Variants in ABCA4 observed in about 807,000 individuals in gnomAD.
ABCA4 encodes ATP binding cassette subfamily A member 4.
Under a neutral mutation model 263.7 loss-of-function variants are expected in ABCA4, and 196 were observed. That is an observed-to-expected ratio of 0.74 (90% CI 0.66 to 0.84). The LOEUF (loss-of-function observed/expected upper bound fraction) is 0.84, where lower values mean the gene tolerates loss of function less well. Among genes scored for constraint, ABCA4 ranks in the 40% least tolerant of loss-of-function variants. The pLI is 0.00. For synonymous variants in ABCA4, 1,133 were observed against 1,094.2 expected (o/e 1.04, Z -0.70); for missense variants, 2,792 against 2,855.1 (o/e 0.98, Z 0.50).
At chr1:94,114,527 C>T (rs951619648) in intron 1 of ABCA4, among the ~76,000 whole-genome samples, 1 of 151,930 alleles carries the variant, frequency 6.6e-6, no homozygotes, top group African/African-American at 2.4e-5. Context: ...CACTCTGTTG[C>T]CCAGGCTGGA....
chr1:93,997,558 T>C (rs1384616384), intron 48 of ABCA4, among the ~76,000 whole-genome samples: 1 of 151,692 alleles, frequency 6.6e-6, no homozygotes, highest in Non-Finnish European at 1.5e-5. Flanking sequence ...CGTATGTTAA[T>C]TACACATCAA....
chr1:94,083,506 C>G, intron 6 of ABCA4, 65 bp from the exon 7 acceptor site: 1 of 1,263,268 alleles, frequency 7.9e-7, no homozygotes, highest in Admixed American at 1.7e-5. Context: ...CACACATAGG[C>G]ACAGTCTGAT....
At chr1:94,086,661 T>G (rs1661834249) in intron 6 of ABCA4, among the ~76,000 whole-genome samples, 1 of 152,182 alleles carries the variant, frequency 6.6e-6, no homozygotes, top group African/African-American at 2.4e-5. Flanking sequence ...TGTTAACAAT[T>G]TGGCACATAT....
chr1:94,018,390 C>A (rs1659795828), intron 36 of ABCA4, among the ~76,000 whole-genome samples: 1 of 152,198 alleles, frequency 6.6e-6, no homozygotes, highest in African/African-American at 2.4e-5. Flanking sequence ...TGCTCTTATC[C>A]AAAGAAAGGC....
At chr1:94,004,286 C>G (rs555687942) in intron 44 of ABCA4, among the ~76,000 whole-genome samples, 5 of 152,200 alleles carry the variant, frequency 3.3e-5, no homozygotes, top group Non-Finnish European at 5.9e-5. Context: ...TATCCATGAC[C>G]TCACAGTTCT....
intron 48 of ABCA4, among the ~76,000 whole-genome samples, chr1:93,997,025 G>A (rs1201881560): frequency 6.6e-6 from 1 of 152,212 alleles, no homozygotes; most frequent in African/African-American, 2.4e-5. Flanking sequence ...AATGGGCACA[G>A]ATTTTCACTG....
chr1:94,027,056 G>A (rs1443976307), intron 30 of ABCA4, among the ~76,000 whole-genome samples: 2 of 151,886 alleles, frequency 1.3e-5, no homozygotes, highest in Non-Finnish European at 2.9e-5. Context: ...GAGAGATTGA[G>A]AGAGAAAGAG....
At chr1:94,060,501 A>T (rs1457905303) in intron 14 of ABCA4, 36 bp downstream of exon 14, 18 of 1,590,426 alleles carry the variant, frequency 1.1e-5, no homozygotes, top group Non-Finnish European at 1.5e-5. Flanking sequence ...GAACCAAAGT[A>T]TTCAAGATTT....
rs369235668 is a variant in ABCA4 at position 94,086,180 on chromosome 1, A to T, written c.769-2739T>A. On this transcript the variant is annotated intron_variant, in intron 6 of 49. Transcript: ENST00000370225. ...TCTTATCAGAATAACAAGCAGATTGATTATAATTGTTTATACACCTGATAC... is the reference window on the plus strand; with the variant it reads ...TCTTATCAGAATAACAAGCAGATTGTTTATAATTGTTTATACACCTGATAC... Among the ~76,000 whole-genome samples the T allele has an allele frequency of 1.7e-4, 26 of 152,322 alleles. No individual in the cohort carries two copies. The East Asian group carries it at 3.9e-3, about 23-fold the overall frequency.
intron 8 of ABCA4, among the ~76,000 whole-genome samples, chr1:94,080,109 C>T (rs149507653): frequency 1.6e-3 from 239 of 152,242 alleles, no homozygotes; most frequent in African/African-American, 5.3e-3. Flanking sequence ...TAAAAGCATC[C>T]CACAGCCGTG....
chr1:94,034,579 G>A (rs2101040362), intron 26 of ABCA4, among the ~76,000 whole-genome samples: 1 of 151,670 alleles, frequency 6.6e-6, no homozygotes, highest in East Asian at 1.9e-4. Context: ...CATCCTCTGA[G>A]ACTGAGCTAA....
At chr1:94,005,270 C>T (rs1039689966) in intron 44 of ABCA4, 171 bp downstream of exon 44, 18 of 827,320 alleles carry the variant, frequency 2.2e-5, no homozygotes, top group African/African-American at 2.0e-4. Context: ...CACTGCTATA[C>T]TCCTGGTTTC....
At chr1:94,037,043 G>T in intron 25 of ABCA4, 102 bp downstream of exon 25, 1 of 1,277,514 alleles carries the variant, frequency 7.8e-7, no homozygotes. Context: ...GGTGGGGAAC[G>T]ATGGCTTTTT....
intron 11 of ABCA4, among the ~76,000 whole-genome samples, chr1:94,065,374 AC>A (rs1661242483): frequency 6.6e-6 from 1 of 152,192 alleles, no homozygotes; most frequent in Non-Finnish European, 1.5e-5. Context: ...CACAACTACT[AC>A]CCGAGAAATA....
chr1:94,021,662 A>G lies in ABCA4; in HGVS notation c.4826T>C (p.Leu1609Pro). 1 of 1,612,888 alleles carries G rather than the reference A, an allele frequency of 6.2e-7. No individual in the cohort carries two copies. The part of the protein sequence containing the change: ...SKEIPDFLKH[L>P]ETEDNIKVWF... ...TACCTTAATGTTGTCTTCAGTTTCT[A>G]GATGTTTAAGGAAATCAGGTATTTC... The change falls in exon 34 of 50, where the codon CTA (leucine) becomes CCA (proline). Residue 1609 changes from leucine (L) to proline (P), a missense_variant. Coordinates refer to ENST00000370225, the MANE Select transcript of ABCA4 (RefSeq NM_000350.3).
chr1:94,025,322 G>A (rs1273556150), intron 30 of ABCA4, among the ~76,000 whole-genome samples: 3 of 151,830 alleles, frequency 2.0e-5, no homozygotes, highest in African/African-American at 7.3e-5. Context: ...ATACTGCCAC[G>A]CTACCCAAGC....
Position 94,043,913 on chromosome 1 carries a change from C to T in ABCA4, c.3051-438G>A, listed in dbSNP as rs201917906. Among the ~76,000 whole-genome samples the T allele has an allele frequency of 1.1e-4, 16 of 152,158 alleles. No homozygotes were observed. The East Asian group carries it at 1.4e-3, about 13-fold the overall frequency. ...ATTATATACCAATGTTATAACTCAG[C>T]GGTTATCTCTGAGTAGTGAAATTAC... On this transcript the variant is annotated intron_variant, in intron 20 of 49. Coordinates refer to ENST00000370225, the MANE Select transcript of ABCA4 (RefSeq NM_000350.3).
At chr1:94,035,441 C>G (rs141540533) in intron 26 of ABCA4, among the ~76,000 whole-genome samples, 3 of 152,072 alleles carry the variant, frequency 2.0e-5, no homozygotes, top group Admixed American at 2.0e-4. Context: ...GGTCACCATG[C>G]GATGTACTGG....
intron 36 of ABCA4, among the ~76,000 whole-genome samples, chr1:94,017,200 T>C (rs568322512): frequency 1.0e-3 from 156 of 152,302 alleles, no homozygotes; most frequent in Non-Finnish European, 1.9e-3. Flanking sequence ...TTGTATTTAT[T>C]ATAAAGGGGA....
Sources: allele counts gnomAD v4.1 joint callset (sites outside exome capture counted in the v4.1 genomes callset), GRCh38; gene constraint gnomAD v4.1.1; transcripts MANE v1.5; gene names NCBI Gene and HGNC (gene_info 2026-07-23, HGNC 2026-07-21).